The following DDX11 variants were observed in gnomAD, a reference collection of about 807,000 sequenced individuals.
DDX11 encodes the protein ATP-dependent DNA helicase DDX11.
A neutral mutation model predicts 125.2 loss-of-function variants in DDX11; 72 were observed. That is an observed-to-expected ratio of 0.58 (90% CI 0.48 to 0.70). The LOEUF (loss-of-function observed/expected upper bound fraction) is 0.70, where lower values mean the gene tolerates loss of function less well. Ranked by LOEUF, DDX11 falls within the 30% of genes least tolerant of loss-of-function variation. The probability of loss-of-function intolerance (pLI) is 0.00; values close to 1 mark genes in which losing one functional copy is unlikely to be tolerated. For missense variants in DDX11, 883 were observed against 1,165.0 expected, an observed-to-expected ratio of 0.76 and a Z score of 3.52; for synonymous variants, 347 against 452.6, an observed-to-expected ratio of 0.77 and a Z score of 2.96.
intron 19 of DDX11, 98 bp from the exon 20 acceptor site, chr12:31,100,929 T>C: frequency 9.6e-6 from 12 of 1,248,700 alleles, no homozygotes; most frequent in Non-Finnish European, 1.3e-5. Flanking sequence ...TCAGTCGCTG[T>C]TCCTGTGCTG....
In DDX11 at chr12:31,103,312, C is replaced by T. The variant is rs780482701; in HGVS notation, c.2458-5C>T. ...GTCCTGATGGGTCTTCCCCTTCACT[C>T]CCAGCCCAGAGCCCCCGGCCAGGCA... On this transcript the variant is annotated splice_region_variant and splice_polypyrimidine_tract_variant and intron_variant, in intron 24 of 26. Transcript: ENST00000542838. 3.7e-6 allele frequency: 6 copies of T among 1,610,516 alleles called. No individual in the cohort carries two copies. The highest frequency in any genetic ancestry group is 1.1e-5 in the South Asian group (1 of 90,522).
At chr12:31,077,339 A>C (rs1940872108) in intron 1 of DDX11, among the ~76,000 whole-genome samples, 1 of 152,108 alleles carries the variant, frequency 6.6e-6, no homozygotes, top group Admixed American at 6.6e-5. Context: ...TTTTTCTTAG[A>C]CCTTAGCCTA....
chr12:31,089,649 T>C, intron 8 of DDX11, 159 bp downstream of exon 8: 1 of 1,044,854 alleles, frequency 9.6e-7, no homozygotes, highest in Non-Finnish European at 1.5e-6. Flanking sequence ...GTGTTCCTAC[T>C]CTCTGGGTCA....
chr12:31,085,056 C>T lies in DDX11; in HGVS notation c.568C>T (p.Leu190=). Residue 190 remains leucine, a synonymous_variant, in exon 5 of 27, where the codon CTG becomes TTG. Coordinates refer to ENST00000542838, the MANE Select transcript of DDX11 (RefSeq NM_030653.4). The part of the protein sequence containing the change: ...TGPEAERLEQ[L]ESGEEELVLA... The stretch of plus-strand genomic sequence containing the variant: ...CCCGGAGGCTGAGCGGCTGGAGCAG[C>T]TGGAGTCTGGGGAGGAGGAGCTGGT... 5.0e-6 allele frequency: 8 copies of T among 1,607,850 alleles called. No individual in the cohort carries two copies. The highest frequency in any genetic ancestry group is 6.8e-6 in the Non-Finnish European group (8 of 1,176,928).
rs750512735 is a variant in DDX11 at position 31,093,309 on chromosome 12, G to C, written c.1354G>C (p.Val452Leu). Residue 452 changes from valine to leucine, a missense_variant, in exon 12 of 27, where the codon GTG becomes CTG. Transcript: ENST00000542838. ...GATCCTGTATTTGCTGGAGAAATTC[G>C]TGGCTGTGCTAGGGGGTGAGAGCCT... is the stretch of plus-strand genomic sequence containing the variant. The part of the protein sequence containing the change: ...KQILYLLEKF[V>L]AVLGGNIKQN... 1.9e-6 allele frequency: 3 copies of C among 1,613,636 alleles called. No homozygotes were observed. Among genetic ancestry groups the C allele is most frequent in the Non-Finnish European group, 2.5e-6 (3 of 1,179,818 alleles).
At chr12:31,088,953 A>C in intron 6 of DDX11, 91 bp from the exon 7 acceptor site, 2 of 1,026,364 alleles carry the variant, frequency 1.9e-6, no homozygotes, top group Admixed American at 1.8e-5. Flanking sequence ...CCTTTCCCTC[A>C]GCCTCTCAGG....
At chr12:31,083,188 C>A (rs1443112135) in intron 2 of DDX11, among the ~76,000 whole-genome samples, 1 of 152,092 alleles carries the variant, frequency 6.6e-6, no homozygotes, top group African/African-American at 2.4e-5. Flanking sequence ...ATGGTCCCAG[C>A]CACTTGGGAG....
intron 1 of DDX11, among the ~76,000 whole-genome samples, chr12:31,075,610 A>ATAGG (rs1940590009): frequency 6.6e-6 from 1 of 152,106 alleles, no homozygotes; most frequent in South Asian, 2.1e-4. Context: ...CATTTAACTA[A>ATAGG]TAGGTATTCA....
At chr12:31,087,850 G>C (rs1200611882) in intron 5 of DDX11, 88 bp from the exon 6 acceptor site, 1 of 1,531,832 alleles carries the variant, frequency 6.5e-7, no homozygotes, top group Non-Finnish European at 8.8e-7. Flanking sequence ...AATGGCCAGG[G>C]CTCAGCACCA....
At chr12:31,077,739 G>A (rs1300793158) in intron 1 of DDX11, among the ~76,000 whole-genome samples, 1 of 151,910 alleles carries the variant, frequency 6.6e-6, no homozygotes, top group Non-Finnish European at 1.5e-5. Context: ...AGCTACTCGG[G>A]AGGCTGAGGC....
At chr12:31,082,598 G>A (rs924322851) in intron 2 of DDX11, among the ~76,000 whole-genome samples, 14 of 152,036 alleles carry the variant, frequency 9.2e-5, no homozygotes, top group Non-Finnish European at 1.5e-4. Flanking sequence ...TGACTGCCTG[G>A]AGCAGAAGGC....
chr12:31,096,271 T>C, intron 14 of DDX11, 70 bp from the exon 15 acceptor site: 2 of 1,465,940 alleles, frequency 1.4e-6, no homozygotes, highest in Non-Finnish European at 1.9e-6. Context: ...GTGGTGTTTT[T>C]TGTTTTGTTT....
chr12:31,086,628 G>C (rs539895483), intron 5 of DDX11, among the ~76,000 whole-genome samples: 4 of 152,284 alleles, frequency 2.6e-5, no homozygotes, highest in Non-Finnish European at 5.9e-5. Flanking sequence ...TGGGGACAAG[G>C]CAGAGAACTT....
chr12:31,089,069 C>G lies in DDX11; in HGVS notation c.710C>G (p.Ser237Cys). The G allele has an allele frequency of 1.2e-6, 2 of 1,613,990 alleles. No individual in the cohort carries two copies. The highest frequency in any genetic ancestry group is 2.2e-5 in the South Asian group (2 of 91,072). The change falls in exon 7 of 27, where the codon TCC becomes TGC. Residue 237 changes from serine to cysteine, a missense_variant. Physicochemically the swap from Ser to Cys is moderately radical, Grantham distance 112. Transcript: ENST00000542838. ...ATTTATTACTGTAGTCGGACACACT[C>G]CCAGCTGGCCCAGTTTGTGCATGAG... ...TKIYYCSRTH[S>C]QLAQFVHEVK... is the part of the protein sequence containing the mutation.
At chr12:31,101,528 C>T in intron 20 of DDX11, 1 of 501,366 alleles carries the variant, frequency 2.0e-6, no homozygotes, top group Non-Finnish European at 3.6e-6. Context: ...GTTGTGGTGC[C>T]CATCAGGACC....
At chr12:31,076,220 C>G (rs535481788) in intron 1 of DDX11, among the ~76,000 whole-genome samples, 1 of 152,196 alleles carries the variant, frequency 6.6e-6, no homozygotes, top group East Asian at 1.9e-4. Flanking sequence ...CTGATGAGGC[C>G]ACGTGTAAGC....
At position 31,086,746 on chromosome 12, in the gene DDX11, G is replaced by A. The variant is rs566994868; in HGVS notation, c.639-1192G>A. On this transcript the variant is annotated intron_variant, in intron 5 of 26. Coordinates refer to ENST00000542838, the MANE Select transcript of DDX11 (RefSeq NM_030653.4). ...CTTCTGGGGCTTCCCATGCCCTCACGTTTCAGGAGATAACGTGAGCCTCGG... is the reference window on the plus strand; with the variant it reads ...CTTCTGGGGCTTCCCATGCCCTCACATTTCAGGAGATAACGTGAGCCTCGG... Among the ~76,000 whole-genome samples, 742 of 147,578 alleles carry A rather than the reference G, an allele frequency of 5.0e-3. 8 individuals carry two copies. The highest frequency in any genetic ancestry group is 0.01 in the Middle Eastern group (3 of 288).
chr12:31,101,674 C>T (rs1422280567), intron 20 of DDX11, 159 bp from the exon 21 acceptor site: 6 of 892,826 alleles, frequency 6.7e-6, no homozygotes, highest in Non-Finnish European at 8.8e-6. Flanking sequence ...GCACCTACCA[C>T]CCCGTGGTTC....
rs1486408708 is a variant in DDX11, at chr12:31,103,892, G to T, written c.*56G>T. ...CCCTTCCTTTGTCCTGCCCGCTGGA[G>T]ACAGTGTTTGTCGTGGGCGTGGTCT... On this transcript the variant is annotated 3_prime_UTR_variant, in exon 27 of 27. Coordinates refer to ENST00000542838, the MANE Select transcript of DDX11 (RefSeq NM_030653.4). 9.9e-6 allele frequency: 16 copies of T among 1,613,868 alleles called. No homozygotes were observed. The highest frequency in any genetic ancestry group is 1.3e-5 in the Non-Finnish European group (15 of 1,179,880).
Sources: allele counts gnomAD v4.1 joint callset (sites outside exome capture counted in the v4.1 genomes callset), GRCh38; gene constraint gnomAD v4.1.1; transcripts MANE v1.5; gene names NCBI Gene and HGNC (gene_info 2026-07-23, HGNC 2026-07-21).